The following ZNF292 variants were observed in gnomAD, a reference collection of about 807,000 sequenced individuals.
ZNF292 encodes the protein zinc finger protein 292.
A neutral mutation model predicts 217.9 loss-of-function variants in ZNF292; 26 were observed. The observed-to-expected ratio is 0.12, with a 90% confidence interval of 0.09 to 0.17. ZNF292 has a LOEUF of 0.17. Ranked by LOEUF, ZNF292 falls within the 10% of genes least tolerant of loss-of-function variation. The probability of loss-of-function intolerance (pLI) is 1.00; values close to 1 mark genes in which losing one functional copy is unlikely to be tolerated. For missense variants in ZNF292, 2,904 were observed against 3,175.2 expected (o/e 0.91, Z 2.05); for synonymous variants, 1,257 against 1,124.1 (o/e 1.12, Z -2.37).
intron 5 of ZNF292, among the ~76,000 whole-genome samples, chr6:87,241,929 C>CT (rs775887209): frequency 6.6e-6 from 1 of 152,190 alleles, no homozygotes; most frequent in Non-Finnish European, 1.5e-5. Context: ...ATTGAAAATA[C>CT]TTTAAGTCAA....
At chr6:87,174,032 C>T in intron 1 of ZNF292, 1 of 253,494 alleles carries the variant, frequency 3.9e-6, no homozygotes, top group Non-Finnish European at 7.9e-6. Flanking sequence ...TCATAAATAT[C>T]TCCCAGTTCA....
At chr6:87,178,464 A>C (rs752319946) in intron 1 of ZNF292, among the ~76,000 whole-genome samples, 1 of 152,216 alleles carries the variant, frequency 6.6e-6, no homozygotes, top group Non-Finnish European at 1.5e-5. Context: ...GCAAGGATTC[A>C]GTTTGATCAA....
intron 7 of ZNF292, among the ~76,000 whole-genome samples, chr6:87,247,101 G>T (rs1330955077): frequency 6.6e-6 from 1 of 151,758 alleles, no homozygotes; most frequent in African/African-American, 2.4e-5. Context: ...GTTACAGTGA[G>T]CTGGAGGTTA....
intron 5 of ZNF292, among the ~76,000 whole-genome samples, chr6:87,241,090 C>T (rs919910624): frequency 6.6e-6 from 1 of 152,150 alleles, no homozygotes; most frequent in African/African-American, 2.4e-5. Context: ...CGAGACCATC[C>T]TGGTTAACAC....
rs1770610499 is a variant in ZNF292, at chr6:87,158,249, G to C, written c.168+2490G>C. Among the ~76,000 whole-genome samples the C allele has an allele frequency of 2.0e-5, 3 of 152,172 alleles. No homozygotes were observed. In the South Asian group the frequency reaches 6.2e-4, roughly 31 times the overall value. On this transcript the variant is annotated intron_variant, in intron 1 of 7. Transcript: ENST00000369577. ...ATACACTTAAAAGTAATCTCCATTT[G>C]AAACGATACAGAGTGTGTCTGATTT...
chr6:87,208,985 G>A (rs1372735588), intron 1 of ZNF292, among the ~76,000 whole-genome samples: 5 of 152,136 alleles, frequency 3.3e-5, no homozygotes, highest in Non-Finnish European at 2.9e-5. Context: ...TCTTTACTGA[G>A]GAAGAGTGGC....
At chr6:87,204,960 A>G (rs1210105891) in intron 1 of ZNF292, among the ~76,000 whole-genome samples, 1 of 151,992 alleles carries the variant, frequency 6.6e-6, no homozygotes, top group Non-Finnish European at 1.5e-5. Context: ...TCTCAAGTTT[A>G]TAGTACCCTC....
intron 1 of ZNF292, among the ~76,000 whole-genome samples, chr6:87,168,579 C>T (rs773305422): frequency 1.6e-4 from 25 of 152,182 alleles, no homozygotes; most frequent in Middle Eastern, 3.4e-3. Context: ...AAGTGATTCT[C>T]CTGCCTCAGT....
rs1775695225 is a variant in ZNF292 at position 87,263,275 on chromosome 6, TTC to T, written c.*1476_*1477del. The T allele has an allele frequency of 6.6e-6, 1 of 152,082 alleles. No homozygotes were observed. Among genetic ancestry groups the T allele is most frequent in the African/African-American group, 2.4e-5 (1 of 41,442 alleles). 9.4% of individuals were successfully genotyped at this position (152,082 alleles called of 1,614,324 possible). A position where few individuals can be genotyped will look rare whatever the true frequency, so the allele number is the denominator to read the frequency against. On this transcript the variant is annotated 3_prime_UTR_variant, in exon 8 of 8. Transcript: ENST00000369577. ...ACATCTTTGCAATATTTACTTTTGT[TTC>T]TGTTTGCCGTAAATAGTAACATTGT...
chr6:87,210,950 C>G (rs1337938014), intron 1 of ZNF292, among the ~76,000 whole-genome samples: 2 of 152,068 alleles, frequency 1.3e-5, no homozygotes, highest in African/African-American at 4.8e-5. Flanking sequence ...GCCAGAAACC[C>G]AAGTTTTTAT....
intron 1 of ZNF292, among the ~76,000 whole-genome samples, chr6:87,204,887 G>A (rs936222372): frequency 6.6e-6 from 1 of 152,018 alleles, no homozygotes; most frequent in African/African-American, 2.4e-5. Context: ...TTAAATCGCT[G>A]TGTATGTCTG....
rs547044112 is a variant in ZNF292, at chr6:87,265,009, C to T, written c.*3208C>T. 6.6e-6 allele frequency among the ~76,000 whole-genome samples: 1 copy of T among 152,190 alleles called. No homozygotes were observed. Among genetic ancestry groups the T allele is most frequent in the African/African-American group, 2.4e-5 (1 of 41,526 alleles). On this transcript the variant is annotated 3_prime_UTR_variant, in exon 8 of 8. Coordinates refer to ENST00000369577, the MANE Select transcript of ZNF292 (RefSeq NM_015021.3). ...TAATGTCTAAGGCAGCCTGTTTCAG[C>T]ATGTTTATTGTAGTGAGATACTAGG...
chr6:87,214,245 CAT>C (rs1369844754), intron 1 of ZNF292, among the ~76,000 whole-genome samples: 1 of 152,182 alleles, frequency 6.6e-6, no homozygotes. Flanking sequence ...TTCATCATTA[CAT>C]TTAACAATGC....
intron 5 of ZNF292, among the ~76,000 whole-genome samples, chr6:87,239,539 C>G (rs1485651947): frequency 8.2e-6 from 1 of 121,290 alleles, no homozygotes; most frequent in African/African-American, 3.4e-5. Context: ...GGGGCTGCCC[C>G]CCACCTCCCG....
intron 4 of ZNF292, among the ~76,000 whole-genome samples, chr6:87,226,670 TA>T (rs1562154731): frequency 3.7e-5 from 4 of 108,128 alleles, no homozygotes; most frequent in African/African-American, 1.5e-4. Flanking sequence ...GATATATAGA[TA>T]TATAGATATA....
At chr6:87,157,257 G>C (rs1653988905) in intron 1 of ZNF292, among the ~76,000 whole-genome samples, 1 of 152,120 alleles carries the variant, frequency 6.6e-6, no homozygotes, top group African/African-American at 2.4e-5. Context: ...TAGGTAAATA[G>C]GTCTGGTGAG....
rs939047381 is a variant in ZNF292, at chr6:87,255,483, C to G, written c.1854C>G (p.Thr618=). The G allele has an allele frequency of 6.2e-7, 1 of 1,613,366 alleles. No individual in the cohort carries two copies. The highest frequency in any genetic ancestry group is 1.3e-5 in the African/African-American group (1 of 74,976). ...GAAGGCCTCCAAAGATCACAACTAC[C>G]AATGAAAATCAGAAGACTAATACTG... ...RLGRPPKITT[T]NENQKTNTVA... Residue 618 remains threonine (T), a synonymous_variant, in exon 8 of 8, where the codon ACC becomes ACG. Transcript: ENST00000369577.
At position 87,245,662 on chromosome 6, in the gene ZNF292, AT is replaced by A; in HGVS notation, c.1020+23del. 1 of 1,396,278 alleles carries A rather than the reference AT, an allele frequency of 7.2e-7. No homozygotes were observed. Among genetic ancestry groups the A allele is most frequent in the Non-Finnish European group, 9.8e-7 (1 of 1,022,496 alleles). The allele number at this position is 1,396,278 out of a possible 1,614,324, so 86.5% of individuals were successfully genotyped here. A position where few individuals can be genotyped will look rare whatever the true frequency, so the allele number is the denominator to read the frequency against. On this transcript the variant is annotated intron_variant, in intron 7 of 7. Coordinates refer to ENST00000369577, the MANE Select transcript of ZNF292 (RefSeq NM_015021.3). ...ATTCAGAGGTAAGAATAATCAGAAT[AT>A]TTTTAAGGTTAAAATGTGTACATTA...
intron 3 of ZNF292, among the ~76,000 whole-genome samples, chr6:87,217,086 A>G (rs1429728808): frequency 6.6e-6 from 1 of 152,050 alleles, no homozygotes; most frequent in Non-Finnish European, 1.5e-5. Context: ...CCTGCCAGCT[A>G]GTTTCAAAGC....
Sources: allele counts gnomAD v4.1 joint callset (sites outside exome capture counted in the v4.1 genomes callset), GRCh38; gene constraint gnomAD v4.1.1; transcripts MANE v1.5; gene names NCBI Gene and HGNC (gene_info 2026-07-23, HGNC 2026-07-21).